Variants in RHBDD1 observed in about 807,000 individuals in gnomAD.
RHBDD1 encodes rhomboid-related protein 4.
Under a neutral mutation model 36.3 loss-of-function variants are expected in RHBDD1, and 38 were observed. The observed-to-expected ratio is 1.05, with a 90% CI of 0.81 to 1.37. RHBDD1 has a LOEUF of 1.37. Among genes scored for constraint, RHBDD1 ranks in the 40% most tolerant of loss-of-function variants. RHBDD1 has a pLI of 0.00. For missense variants in RHBDD1, 393 were observed against 377.6 expected, an observed-to-expected ratio of 1.04 and a Z score of -0.34; for synonymous variants, 151 against 136.5, an observed-to-expected ratio of 1.11 and a Z score of -0.74.
chr2:226,959,187 A>G (rs1190543037), intron 8 of RHBDD1, among the ~76,000 whole-genome samples: 1 of 152,178 alleles, frequency 6.6e-6, no homozygotes, highest in South Asian at 2.1e-4. Context: ...GAATAATGAT[A>G]CCTTCTTTTT....
At chr2:226,896,433 A>G (rs944097700) in intron 5 of RHBDD1, among the ~76,000 whole-genome samples, 7 of 152,114 alleles carry the variant, frequency 4.6e-5, no homozygotes, top group African/African-American at 1.7e-4. Context: ...TCTATCTATT[A>G]CCCTTCCCTG....
At chr2:226,910,134 T>C (rs1257619477) in intron 7 of RHBDD1, among the ~76,000 whole-genome samples, 1 of 152,200 alleles carries the variant, frequency 6.6e-6, no homozygotes, top group African/African-American at 2.4e-5. Context: ...CCTTACAAAA[T>C]AGGGCAGTTC....
intron 8 of RHBDD1, among the ~76,000 whole-genome samples, chr2:226,933,818 T>TTA (rs1351396188): frequency 1.3e-5 from 2 of 152,186 alleles, no homozygotes; most frequent in Non-Finnish European, 2.9e-5. Context: ...GGAGCATTCC[T>TTA]TATTCTTCAC....
At chr2:226,882,452 AAAG>A (rs1237440053) in intron 5 of RHBDD1, among the ~76,000 whole-genome samples, 2,890 of 135,570 alleles carry the variant, frequency 0.021, 64 homozygotes, top group African/African-American at 0.053. Context: ...AAAAAAAAAA[AAAG>A]AAGAAGAAGA....
chr2:226,888,285 A>G (rs62191017), intron 5 of RHBDD1, among the ~76,000 whole-genome samples: 4,298 of 152,290 alleles, frequency 0.028, 95 homozygotes, highest in Non-Finnish European at 0.044. Flanking sequence ...TTCTCTGGGT[A>G]AGAACTTACT....
At chr2:226,925,725 T>G (rs1949622339) in intron 8 of RHBDD1, among the ~76,000 whole-genome samples, 1 of 152,232 alleles carries the variant, frequency 6.6e-6, no homozygotes, top group Non-Finnish European at 1.5e-5. Context: ...TAGACCTGTT[T>G]CCTTGAAACT....
the RHBDD1 span, among the ~76,000 whole-genome samples, chr2:226,802,449 T>C: frequency 6.6e-6 from 1 of 152,364 alleles, no homozygotes; most frequent in South Asian, 2.1e-4. Context: ...TTCTCTACAA[T>C]TGTTTTATTA....
chr2:226,869,128 A>G (rs1944574314), intron 5 of RHBDD1: 2 of 973,322 alleles, frequency 2.1e-6, no homozygotes, highest in South Asian at 4.8e-5. Context: ...CTTTTTATGC[A>G]TTTCATTTTT....
At chr2:226,899,241 TTAA>T (rs1183934626) in intron 5 of RHBDD1, among the ~76,000 whole-genome samples, 2 of 152,210 alleles carry the variant, frequency 1.3e-5, no homozygotes, top group African/African-American at 4.8e-5. Context: ...TCTGTTGGTG[TTAA>T]TAATATTCGT....
At chr2:226,829,041 C>T in the RHBDD1 span, among the ~76,000 whole-genome samples, 6 of 152,100 alleles carry the variant, frequency 3.9e-5, no homozygotes, top group Non-Finnish European at 2.9e-5. Context: ...ACATTTAAGC[C>T]TATGATCCCT....
upstream of RHBDD1, among the ~76,000 whole-genome samples, chr2:226,830,999 T>C (rs958475407): frequency 6.6e-6 from 1 of 152,240 alleles, no homozygotes; most frequent in Non-Finnish European, 1.5e-5. Context: ...CTTGCATTCA[T>C]GGTATATGAT....
At chr2:226,985,477 C>G (rs1394288251) in intron 8 of RHBDD1, among the ~76,000 whole-genome samples, 1 of 152,242 alleles carries the variant, frequency 6.6e-6, no homozygotes, top group Non-Finnish European at 1.5e-5. Context: ...GGAATTTGTC[C>G]TAGTTTTCTT....
chr2:226,871,380 A>G (rs1034139935), intron 5 of RHBDD1, among the ~76,000 whole-genome samples: 13 of 152,336 alleles, frequency 8.5e-5, no homozygotes, highest in Non-Finnish European at 1.3e-4. Context: ...ACAAAACCAC[A>G]TTACTGTTGT....
chr2:226,928,199 G>GTTC lies in RHBDD1; in HGVS notation c.856+13850_856+13852dup, dbSNP rs560525164. 9.6e-3 allele frequency among the ~76,000 whole-genome samples: 1,454 copies of GTTC among 152,106 alleles called. 10 individuals are homozygous for GTTC. Among genetic ancestry groups the GTTC allele is most frequent in the South Asian group, 0.034 (163 of 4,818 alleles). On this transcript the variant is annotated intron_variant, in intron 8 of 8. Transcript: ENST00000392062. ...GCACCATTTGTAAAAATGACTATCA[G>GTTC]TTCTCCAATGAATTGCCTTTGTACT...
chr2:226,877,718 A>C (rs1945362925), intron 5 of RHBDD1, among the ~76,000 whole-genome samples: 1 of 152,184 alleles, frequency 6.6e-6, no homozygotes, highest in Non-Finnish European at 1.5e-5. Flanking sequence ...ATACAGCTGA[A>C]GTGCTTTGTG....
chr2:226,873,172 G>A (rs1486836235), intron 5 of RHBDD1, among the ~76,000 whole-genome samples: 1 of 152,176 alleles, frequency 6.6e-6, no homozygotes, highest in African/African-American at 2.4e-5. Context: ...TGCACAGTGG[G>A]CATTAAGAGT....
intron 7 of RHBDD1, among the ~76,000 whole-genome samples, chr2:226,909,654 C>T (rs751146845): frequency 3.3e-4 from 50 of 152,048 alleles, no homozygotes; most frequent in Non-Finnish European, 6.3e-4. Flanking sequence ...CCTATAAAAG[C>T]GACCTCAGAG....
chr2:226,898,142 T>C (rs533994215), intron 5 of RHBDD1, among the ~76,000 whole-genome samples: 1 of 152,282 alleles, frequency 6.6e-6, no homozygotes, highest in Admixed American at 6.5e-5. Context: ...TACCTCCCTA[T>C]ACTCCTACAA....
At chr2:226,978,273 C>T (rs150133862) in intron 8 of RHBDD1, among the ~76,000 whole-genome samples, 106 of 152,124 alleles carry the variant, frequency 7.0e-4, no homozygotes, top group African/African-American at 2.4e-3. Context: ...CTTTTTTCTC[C>T]ATGTACCAAT....
Sources: gnomAD v4.1 joint callset for allele counts (sites outside exome capture counted in the v4.1 genomes callset) on GRCh38, gnomAD v4.1.1 for gene constraint, MANE v1.5 for transcripts, NCBI Gene and HGNC (gene_info 2026-07-23, HGNC 2026-07-21) for gene names.